CTBP2: variants seen among roughly 807,000 people sequenced by gnomAD.
The protein encoded by CTBP2 is C-terminal binding protein 2.
A neutral mutation model predicts 80.3 loss-of-function variants in CTBP2; 30 were observed. The ratio of observed to expected loss-of-function variants is 0.37; its 90% CI spans 0.28 to 0.51. CTBP2 has a LOEUF of 0.51. Ranked by LOEUF, CTBP2 falls within the 20% of genes least tolerant of loss-of-function variation. The pLI, the probability that CTBP2 is intolerant of heterozygous loss-of-function variation, is 0.93. For missense variants in CTBP2, 1,212 were observed against 1,375.3 expected (o/e 0.88, Z 1.88); for synonymous variants, 594 against 587.4 (o/e 1.01, Z -0.16).
At chr10:125,031,487 TCAA>T (rs1958194221), upstream of CTBP2, among the ~76,000 whole-genome samples, 2 of 12,012 alleles carry the variant, frequency 1.7e-4, no homozygotes, top group Non-Finnish European at 3.6e-4. Flanking sequence ...AGACTCCATT[TCAA>T]AAAAAAAAAA....
intron 1 of CTBP2, among the ~76,000 whole-genome samples, chr10:125,143,030 G>C (rs1858109687): frequency 6.6e-6 from 1 of 152,084 alleles, no homozygotes; most frequent in Admixed American, 6.5e-5. Context: ...ACCTAATGTG[G>C]CCACCTCTGC....
In CTBP2 at chr10:125,066,732, C is replaced by T. The variant is rs532291982; in HGVS notation, c.-101-27577G>A. ...GGTACATCACCTGAGCCCTTCACAC[C>T]TGGGGGTTTCTTATCCATAAATGGA... On this transcript the variant is annotated intron_variant, in intron 2 of 10. Transcript: ENST00000337195. This position sits in a 1 kb window ranked among gnomAD's most constrained non-coding sequence, Gnocchi z 4.1. 6.6e-6 allele frequency among the ~76,000 whole-genome samples: 1 copy of T among 152,290 alleles called. No individual in the cohort carries two copies. The highest frequency in any genetic ancestry group is 2.1e-4 in the South Asian group (1 of 4,820).
intron 3 of CTBP2, among the ~76,000 whole-genome samples, chr10:125,035,201 C>G (rs1416855532): frequency 1.3e-5 from 2 of 152,228 alleles, no homozygotes; most frequent in African/African-American, 2.4e-5. Context: ...GACTTTCTAA[C>G]TATCTATGTG....
At chr10:125,119,666 A>G (rs2136016812) in intron 1 of CTBP2, among the ~76,000 whole-genome samples, 1 of 152,380 alleles carries the variant, frequency 6.6e-6, no homozygotes, top group East Asian at 1.9e-4. Context: ...TGCATAAGAG[A>G]CAGAATAGAT....
intron 2 of CTBP2, among the ~76,000 whole-genome samples, chr10:125,061,243 C>T (rs117060206): frequency 0.013 from 2,039 of 152,344 alleles, 21 homozygotes; most frequent in Non-Finnish European, 0.021. Flanking sequence ...GACAGCCAAG[C>T]GCTGTAAAAA....
intron 2 of CTBP2, among the ~76,000 whole-genome samples, chr10:125,098,755 A>G: frequency 7.8e-6 from 1 of 127,714 alleles, no homozygotes; most frequent in Non-Finnish European, 1.7e-5. Flanking sequence ...AGAGACAGAG[A>G]GAGAGAGAGA....
chr10:125,054,476 T>C (rs1963453798), intron 2 of CTBP2, among the ~76,000 whole-genome samples: 1 of 152,164 alleles, frequency 6.6e-6, no homozygotes, highest in South Asian at 2.1e-4. Flanking sequence ...GAGCCGGGCC[T>C]TCAGATGAGA....
chr10:125,055,210 G>A (rs956358306), intron 2 of CTBP2, among the ~76,000 whole-genome samples: 1 of 152,180 alleles, frequency 6.6e-6, no homozygotes, highest in Non-Finnish European at 1.5e-5. Context: ...AGCTCTCAGA[G>A]AAAAAGAGCA....
chr10:125,059,531 G>C (rs1171770317), intron 2 of CTBP2, among the ~76,000 whole-genome samples: 1 of 152,148 alleles, frequency 6.6e-6, no homozygotes, highest in Admixed American at 6.5e-5. Flanking sequence ...GCAGTGAGCA[G>C]AGATTGCATC....
chr10:125,050,162 C>T (rs1322968363), intron 2 of CTBP2, among the ~76,000 whole-genome samples: 1 of 152,186 alleles, frequency 6.6e-6, no homozygotes, highest in African/African-American at 2.4e-5. Flanking sequence ...ATGCCTGGGT[C>T]CTTACAAGTA....
At chr10:125,155,861 T>C (rs965224509) in intron 1 of CTBP2, among the ~76,000 whole-genome samples, 2 of 152,172 alleles carry the variant, frequency 1.3e-5, no homozygotes, top group African/African-American at 2.4e-5. Context: ...TTACCAGCTG[T>C]AAGGGAGAAA....
chr10:125,048,179 G>A (rs1218665720), intron 2 of CTBP2, among the ~76,000 whole-genome samples: 2 of 152,014 alleles, frequency 1.3e-5, no homozygotes, highest in Non-Finnish European at 2.9e-5. Context: ...ACCTTTTCCT[G>A]TTGCAGCCCT....
chr10:125,051,192 T>C (rs896229795), intron 2 of CTBP2, among the ~76,000 whole-genome samples: 4 of 152,194 alleles, frequency 2.6e-5, no homozygotes, highest in Non-Finnish European at 4.4e-5. Flanking sequence ...CCCAAGTTTA[T>C]GTCCCCACCC....
intron 1 of CTBP2, among the ~76,000 whole-genome samples, chr10:125,124,454 A>G (rs912712878): frequency 7.2e-5 from 9 of 125,816 alleles, no homozygotes; most frequent in Non-Finnish European, 1.1e-4. Context: ...ACTATCTGTC[A>G]GCAACAATAA....
intron 1 of CTBP2, chr10:125,159,763 C>G (rs1228212562): frequency 4.0e-5 from 6 of 149,700 alleles, no homozygotes; most frequent in Non-Finnish European, 7.4e-5. Context: ...CCGGCGCGCT[C>G]GGACTCCTGT....
At chr10:125,161,566 C>T (rs1308313332), upstream of CTBP2, among the ~76,000 whole-genome samples, 1 of 152,172 alleles carries the variant, frequency 6.6e-6, no homozygotes, top group Non-Finnish European at 1.5e-5. Flanking sequence ...GCGGGCCGGC[C>T]ACAGGGGGCA....
intron 3 of CTBP2, 86 bp downstream of exon 3, chr10:125,038,911 G>A (rs1214687968): frequency 7.5e-7 from 1 of 1,339,194 alleles, no homozygotes; most frequent in Non-Finnish European, 1.1e-6. Flanking sequence ...CTTGGGGAGT[G>A]GCACAGCCAA....
In CTBP2 at chr10:124,988,702, A is replaced by G. The variant is rs1381859660; in HGVS notation, c.*816T>C. ...AGAAGACTTTATCAATGTCTAAAAAAGTGGGTTTGTTCATAGACAATCTGA... is the reference window on the plus strand; with the variant it reads ...AGAAGACTTTATCAATGTCTAAAAAGGTGGGTTTGTTCATAGACAATCTGA... On this transcript the variant is annotated 3_prime_UTR_variant, in exon 9 of 9. Coordinates refer to ENST00000309035, the MANE Select transcript of CTBP2 (RefSeq NM_022802.3). 1.3e-5 allele frequency: 2 copies of G among 152,646 alleles called. No homozygotes were observed. 9.5% of individuals were successfully genotyped at this position (152,646 alleles called of 1,614,324 possible).
At chr10:125,112,617 C>T (rs997178286) in intron 1 of CTBP2, among the ~76,000 whole-genome samples, 1 of 150,942 alleles carries the variant, frequency 6.6e-6, no homozygotes. Context: ...TTAGTATAGA[C>T]GAGGTTTCAC....
Sources: gnomAD v4.1 joint callset for allele counts (sites outside exome capture counted in the v4.1 genomes callset) on GRCh38, gnomAD v4.1.1 for gene constraint, Gnocchi (gnomAD v3.1) non-coding constraint, MANE v1.5 for transcripts, NCBI Gene and HGNC (gene_info 2026-07-23, HGNC 2026-07-21) for gene names.